The following FAM83F variants were observed in gnomAD, a reference collection of about 807,000 sequenced individuals.
The protein encoded by FAM83F is scaffolding CK1 anchoring protein F.
In FAM83F, 45 loss-of-function variants were observed where a neutral mutation model predicts 42.9. That is an observed-to-expected ratio of 1.05 (90% CI 0.83 to 1.35). The LOEUF is 1.35. Among genes scored for constraint, FAM83F ranks in the 40% most tolerant of loss-of-function variants. FAM83F has a pLI of 0.00. For synonymous variants in FAM83F, 306 were observed against 298.3 expected, an observed-to-expected ratio of 1.03 and a Z score of -0.27; for missense variants, 617 against 695.9, an observed-to-expected ratio of 0.89 and a Z score of 1.28.
At position 40,038,346 on chromosome 22, in the gene FAM83F, G is replaced by C. The variant is rs1170938280; in HGVS notation, c.*8781G>C. The C allele has an allele frequency of 6.6e-6, 1 of 152,244 alleles. No individual in the cohort carries two copies. Among genetic ancestry groups the C allele is most frequent in the Non-Finnish European group, 1.5e-5 (1 of 68,066 alleles). 9.4% of individuals were successfully genotyped at this position (152,244 alleles called of 1,614,324 possible). A position where few individuals can be genotyped will look rare whatever the true frequency, so the allele number is the denominator to read the frequency against. On this transcript the variant is annotated 3_prime_UTR_variant, in exon 5 of 5. Coordinates refer to ENST00000333407, the MANE Select transcript of FAM83F (RefSeq NM_138435.4). ...ATTCCAGGGAAAGGTCCAGAGCCTA[G>C]ACAGAACTCTTTTAGGAGAATTATG... is the stretch of plus-strand genomic sequence containing the variant.
intron 4 of FAM83F, among the ~76,000 whole-genome samples, chr22:40,024,904 C>G (rs2067542585): frequency 6.6e-6 from 1 of 152,210 alleles, no homozygotes; most frequent in Non-Finnish European, 1.5e-5. Context: ...TTCCTCCTTT[C>G]CGGCTGGGGA....
chr22:40,010,020 C>A (rs925644877), intron 1 of FAM83F: 5 of 152,204 alleles, frequency 3.3e-5, no homozygotes, highest in African/African-American at 9.6e-5. Context: ...AGAAGTCTTA[C>A]AACATCAGAA....
intron 1 of FAM83F, among the ~76,000 whole-genome samples, chr22:40,000,908 T>G (rs1284176289): frequency 6.6e-6 from 1 of 152,222 alleles, no homozygotes; most frequent in Non-Finnish European, 1.5e-5. Context: ...ACAGGCCCCA[T>G]GCACTCCTAA....
rs913858106 is a variant in FAM83F, at chr22:39,995,707, G to A, written c.489+176G>A. On this transcript the variant is annotated intron_variant, in intron 1 of 4. Transcript: ENST00000333407. This position sits in a 1 kb window ranked among gnomAD's most constrained non-coding sequence, Gnocchi z 4.6. ...TGAGGCCTGTAGAGCGAATGGCTGGGAACGTGTTTGGCAAATTACAAGGTG... is the reference window on the plus strand; with the variant it reads ...TGAGGCCTGTAGAGCGAATGGCTGGAAACGTGTTTGGCAAATTACAAGGTG... Among the ~76,000 whole-genome samples the A allele has an allele frequency of 3.3e-5, 5 of 152,188 alleles. No homozygotes were observed. The highest frequency in any genetic ancestry group is 1.2e-4 in the African/African-American group (5 of 41,446).
chr22:40,019,356 G>A, intron 2 of FAM83F, 21 bp downstream of exon 2: 1 of 1,608,724 alleles, frequency 6.2e-7, no homozygotes, highest in Non-Finnish European at 8.5e-7. Context: ...CCACTGGGGT[G>A]GAAAGTGGAC....
chr22:40,014,904 G>T (rs937741119), intron 1 of FAM83F, among the ~76,000 whole-genome samples: 5 of 152,288 alleles, frequency 3.3e-5, no homozygotes, highest in African/African-American at 1.2e-4. Context: ...TTCCTCAATT[G>T]TAAAGTGGGA....
intron 1 of FAM83F, among the ~76,000 whole-genome samples, chr22:40,001,702 G>A (rs2067402649): frequency 6.6e-6 from 1 of 152,004 alleles, no homozygotes; most frequent in South Asian, 2.1e-4. Flanking sequence ...GAAAAACAAG[G>A]GAGAAACCAT....
At chr22:40,004,267 A>AATTTTATTTTATTTTATTTT (rs59445798) in intron 1 of FAM83F, among the ~76,000 whole-genome samples, 3,638 of 133,786 alleles carry the variant, frequency 0.027, 151 homozygotes, top group African/African-American at 0.032. Flanking sequence ...GCCCTTTTAG[A>AATTTTATTTTATTTTATTTT]ATTTTATTTT....
chr22:40,017,461 G>A (rs2067498537), intron 1 of FAM83F, among the ~76,000 whole-genome samples: 2 of 152,064 alleles, frequency 1.3e-5, no homozygotes, highest in South Asian at 4.1e-4. Context: ...TCAAAGCCCT[G>A]ACCTCAAGTG....
Position 40,031,342 on chromosome 22 carries a change from CAA to C in FAM83F, c.*1779_*1780del, listed in dbSNP as rs774998422. The stretch of plus-strand genomic sequence containing the variant: ...ATGAAATGTGTAAACTGCAACGCGG[CAA>C]AGAGATCACTCTCTGGTGTGGAGGG... On this transcript the variant is annotated 3_prime_UTR_variant, in exon 5 of 5. Coordinates refer to ENST00000333407, the MANE Select transcript of FAM83F (RefSeq NM_138435.4). 1.3e-5 allele frequency: 2 copies of C among 152,110 alleles called. No homozygotes were observed. Among genetic ancestry groups the C allele is most frequent in the Non-Finnish European group, 2.9e-5 (2 of 68,040 alleles). 9.4% of individuals were successfully genotyped at this position (152,110 alleles called of 1,614,324 possible). A position where few individuals can be genotyped will look rare whatever the true frequency, so the allele number is the denominator to read the frequency against.
intron 3 of FAM83F, 79 bp downstream of exon 3, chr22:40,020,087 C>T (rs545368039): frequency 1.3e-5 from 20 of 1,532,410 alleles, no homozygotes; most frequent in Non-Finnish European, 1.6e-5. Context: ...AGACCGGAGC[C>T]TCCGTCATCA....
chr22:40,012,722 A>G (rs1404448708), intron 1 of FAM83F, among the ~76,000 whole-genome samples: 1 of 151,218 alleles, frequency 6.6e-6, no homozygotes, highest in Non-Finnish European at 1.5e-5. Context: ...GTGAGCTGAG[A>G]TCGCGCCACT....
intron 1 of FAM83F, among the ~76,000 whole-genome samples, chr22:39,996,109 G>A (rs533827632): frequency 6.6e-6 from 1 of 152,286 alleles, no homozygotes; most frequent in East Asian, 1.9e-4. Flanking sequence ...GGGGGACGGG[G>A]TATATTGAGG....
In FAM83F at chr22:40,029,982, A is replaced by C; in HGVS notation, c.*417A>C. The C allele has an allele frequency of 6.0e-6, 1 of 166,792 alleles. No individual in the cohort carries two copies. The highest frequency in any genetic ancestry group is 1.3e-5 in the Non-Finnish European group (1 of 76,810). The allele number at this position is 166,792 out of a possible 1,614,324, so 10.3% of individuals were successfully genotyped here. A position where few individuals can be genotyped will look rare whatever the true frequency, so the allele number is the denominator to read the frequency against. On this transcript the variant is annotated 3_prime_UTR_variant, in exon 5 of 5. Transcript: ENST00000333407. Reference sequence around the variant, plus strand: ...CCTGGTGCTTCTGGTTCCCCACGCCACTCCCCACCCAAGAGATTGGTGGAA... The same window carrying C: ...CCTGGTGCTTCTGGTTCCCCACGCCCCTCCCCACCCAAGAGATTGGTGGAA...
chr22:40,008,818 A>G lies in FAM83F; in HGVS notation c.490-10350A>G, dbSNP rs538229424. Among the ~76,000 whole-genome samples, 271 of 152,134 alleles carry G rather than the reference A, an allele frequency of 1.8e-3. 1 individual carries two copies. Among genetic ancestry groups the G allele is most frequent in the African/African-American group, 6.4e-3 (265 of 41,492 alleles). ...AGACCTTGATCCTCTCTTTGGGGAG[A>G]TCAGAAAAGGAGATTCCACAGCTGG... On this transcript the variant is annotated intron_variant, in intron 1 of 4. Coordinates refer to ENST00000333407, the MANE Select transcript of FAM83F (RefSeq NM_138435.4).
Position 40,031,355 on chromosome 22 carries a change from C to G in FAM83F, c.*1790C>G, listed in dbSNP as rs889976297. 1 of 152,182 alleles carries G rather than the reference C, an allele frequency of 6.6e-6. No individual in the cohort carries two copies. Among genetic ancestry groups the G allele is most frequent in the Non-Finnish European group, 1.5e-5 (1 of 68,060 alleles). The allele number at this position is 152,182 out of a possible 1,614,324, so 9.4% of individuals were successfully genotyped here. A position where few individuals can be genotyped will look rare whatever the true frequency, so the allele number is the denominator to read the frequency against. On this transcript the variant is annotated 3_prime_UTR_variant, in exon 5 of 5. Transcript: ENST00000333407. ...ACTGCAACGCGGCAAAGAGATCACTCTCTGGTGTGGAGGGTGGGTGTCTCT... is the reference window on the plus strand; with the variant it reads ...ACTGCAACGCGGCAAAGAGATCACTGTCTGGTGTGGAGGGTGGGTGTCTCT...
intron 1 of FAM83F, among the ~76,000 whole-genome samples, chr22:40,014,352 C>T (rs2067483509): frequency 6.6e-6 from 1 of 151,934 alleles, no homozygotes. Flanking sequence ...ATTATAATCA[C>T]AAGTAGGGAT....
chr22:40,013,825 A>T (rs971733043), intron 1 of FAM83F, among the ~76,000 whole-genome samples: 1 of 152,038 alleles, frequency 6.6e-6, no homozygotes, highest in East Asian at 1.9e-4. Context: ...AGAGTTTCCA[A>T]TATTTCTTCC....
rs1037832542 is a variant in FAM83F at position 39,995,820 on chromosome 22, C to T, written c.489+289C>T. Among the ~76,000 whole-genome samples, 8 of 152,344 alleles carry T rather than the reference C, an allele frequency of 5.3e-5. No homozygotes were observed. Among genetic ancestry groups the T allele is most frequent in the African/African-American group, 1.9e-4 (8 of 41,580 alleles). ...TGAAACTTCCCTGTCCAGCCTTCCTCCCCAGGGAAGACTGGGGGCCGAGGC... is the reference window on the plus strand; with the variant it reads ...TGAAACTTCCCTGTCCAGCCTTCCTTCCCAGGGAAGACTGGGGGCCGAGGC... On this transcript the variant is annotated intron_variant, in intron 1 of 4. Coordinates refer to ENST00000333407, the MANE Select transcript of FAM83F (RefSeq NM_138435.4). The surrounding 1 kb of genome is among the most constrained non-coding windows in gnomAD (Gnocchi z 4.6).
Sources: gnomAD v4.1 joint callset for allele counts (sites outside exome capture counted in the v4.1 genomes callset) on GRCh38, gnomAD v4.1.1 for gene constraint, Gnocchi (gnomAD v3.1) non-coding constraint, MANE v1.5 for transcripts, NCBI Gene and HGNC (gene_info 2026-07-23, HGNC 2026-07-21) for gene names.